The following GFM2 variants were observed in gnomAD, a reference collection of about 807,000 sequenced individuals.
GFM2 encodes the protein GTP dependent ribosome recycling factor mitochondrial 2, also known as ribosome-releasing factor 2, mitochondrial.
Under a neutral mutation model 95.4 loss-of-function variants are expected in GFM2, and 72 were observed. The observed-to-expected ratio is 0.76, with a 90% CI of 0.62 to 0.92. The LOEUF is 0.92. GFM2 is among the 40% of genes least tolerant of loss of function. GFM2 has a pLI of 0.00. For synonymous variants in GFM2, 276 were observed against 317.5 expected, an observed-to-expected ratio of 0.87 and a Z score of 1.39; for missense variants, 825 against 924.1, an observed-to-expected ratio of 0.89 and a Z score of 1.39.
intron 3 of GFM2, 128 bp from the exon 4 acceptor site, chr5:74,759,554 T>C (rs1388102652): frequency 1.1e-5 from 6 of 556,876 alleles, no homozygotes; most frequent in Non-Finnish European, 1.9e-5. Context: ...TCAAGCTAAA[T>C]AAATCTAAAA....
Position 74,759,401 on chromosome 5 carries a change from G to C in GFM2, c.174C>G (p.Ser58=). Residue 58 remains serine, a synonymous_variant, in exon 4 of 21, where the codon TCC becomes TCG. Coordinates refer to ENST00000296805, the MANE Select transcript of GFM2 (RefSeq NM_032380.5). ...LPGLIGNDIK[S]LHSIINPPIA... ...TGGGAGGATTGATGATGGAATGAAG[G>C]GATTTGATATCATTTCCTATTAAGC... 1 of 1,533,414 alleles carries C rather than the reference G, an allele frequency of 6.5e-7. No homozygotes were observed. Among genetic ancestry groups the C allele is most frequent in the Non-Finnish European group, 9.0e-7 (1 of 1,112,398 alleles). 95.0% of individuals were successfully genotyped at this position (1,533,414 alleles called of 1,614,324 possible). A position where few individuals can be genotyped will look rare whatever the true frequency, so the allele number is the denominator to read the frequency against.
intron 16 of GFM2, among the ~76,000 whole-genome samples, chr5:74,732,062 T>C (rs1268147494): frequency 6.6e-6 from 1 of 151,610 alleles, no homozygotes; most frequent in African/African-American, 2.4e-5. Flanking sequence ...TTAAGCAACC[T>C]TCCCACCTCA....
intron 10 of GFM2, 105 bp downstream of exon 10, chr5:74,745,573 A>G: frequency 1.1e-6 from 1 of 885,676 alleles, no homozygotes; most frequent in South Asian, 1.9e-5. Context: ...TTTGGTATCC[A>G]CAGGAGGTCC....
Position 74,721,239 on chromosome 5 carries a change from A to AAAAT in GFM2, c.*412_*415dup, listed in dbSNP as rs1704915227. On this transcript the variant is annotated 3_prime_UTR_variant, in exon 21 of 21. Transcript: ENST00000296805. Reference sequence around the variant, plus strand: ...AATCAACTTTATTTTGAAATCATGTAAAATAAGATATTAGACTGTTTTTTG... The same window carrying AAAAT: ...AATCAACTTTATTTTGAAATCATGTAAAATAAATAAGATATTAGACTGTTTTTTG... 2 of 1,240,448 alleles carry AAAAT rather than the reference A, an allele frequency of 1.6e-6. No individual in the cohort carries two copies. Among genetic ancestry groups the AAAAT allele is most frequent in the South Asian group, 2.4e-5 (2 of 83,024 alleles). 76.8% of individuals were successfully genotyped at this position (1,240,448 alleles called of 1,614,324 possible).
At chr5:74,748,047 C>T (rs1311202968) in intron 7 of GFM2, among the ~76,000 whole-genome samples, 2 of 152,218 alleles carry the variant, frequency 1.3e-5, no homozygotes, top group African/African-American at 4.8e-5. Flanking sequence ...AGAGAATTAA[C>T]ACCTCAGGAG....
At chr5:74,750,161 T>C (rs1176285030) in intron 7 of GFM2, among the ~76,000 whole-genome samples, 1 of 152,246 alleles carries the variant, frequency 6.6e-6, no homozygotes, top group African/African-American at 2.4e-5. Flanking sequence ...TAATGCAATC[T>C]GTTTGAATGA....
chr5:74,745,054 T>C (rs920407071), intron 10 of GFM2, among the ~76,000 whole-genome samples: 22 of 152,150 alleles, frequency 1.4e-4, no homozygotes, highest in African/African-American at 4.8e-4. Context: ...GAAAAGCAAA[T>C]GAGGCCCGGC....
chr5:74,747,596 G>GA (rs373056777), intron 8 of GFM2, 96 bp downstream of exon 8: 13 of 700,476 alleles, frequency 1.9e-5, no homozygotes, highest in East Asian at 5.4e-5. Context: ...AATACAATAG[G>GA]AAAAAAAATA....
At chr5:74,750,330 C>T (rs1449578393) in intron 7 of GFM2, among the ~76,000 whole-genome samples, 1 of 152,152 alleles carries the variant, frequency 6.6e-6, no homozygotes, top group African/African-American at 2.4e-5. Context: ...AACTTGTTAG[C>T]TCAAAAGTAA....
chr5:74,757,567 A>T (rs1270123826), intron 5 of GFM2, among the ~76,000 whole-genome samples: 1 of 151,940 alleles, frequency 6.6e-6, no homozygotes, highest in Non-Finnish European at 1.5e-5. Context: ...TGTCTCTACC[A>T]AAAATACAAA....
At chr5:74,740,167 ATT>A (rs754409375) in intron 11 of GFM2, 30 bp from the exon 12 acceptor site, 1 of 1,578,434 alleles carries the variant, frequency 6.3e-7, no homozygotes, top group Non-Finnish European at 8.6e-7. Context: ...ATGAGCATTT[ATT>A]TTGTGTACTG....
intron 11 of GFM2, among the ~76,000 whole-genome samples, chr5:74,741,258 A>T (rs1170946805): frequency 2.0e-5 from 3 of 152,158 alleles, no homozygotes; most frequent in Non-Finnish European, 2.9e-5. Flanking sequence ...TGAAAAGACT[A>T]CAGAGAATGA....
intron 8 of GFM2, among the ~76,000 whole-genome samples, chr5:74,746,539 A>C (rs768692317): frequency 1.2e-4 from 18 of 152,336 alleles, no homozygotes; most frequent in South Asian, 4.1e-4. Flanking sequence ...TTTCTTCTAC[A>C]ACTAGGTTTA....
In GFM2 at chr5:74,741,603, C is replaced by A; in HGVS notation, c.856G>T (p.Asp286Tyr). 6.4e-7 allele frequency: 1 copy of A among 1,566,606 alleles called. No individual in the cohort carries two copies. Among genetic ancestry groups the A allele is most frequent in the African/African-American group, 1.4e-5 (1 of 73,696 alleles). Residue 286 changes from aspartate to tyrosine, a missense_variant, in exon 11 of 21, where the codon GAT becomes TAT. Physicochemically the swap from Asp to Tyr is radical, Grantham distance 160. Coordinates refer to ENST00000296805, the MANE Select transcript of GFM2 (RefSeq NM_032380.5). Reference protein sequence around the residue: ...ARNALIEQVADLDDEFADLVL... With the variant: ...ARNALIEQVAYLDDEFADLVL... ...AAGTCAGCAAATTCATCATCCAAAT[C>A]TGCAACCTATAAAGAAAGGTTTTAG...
chr5:74,728,067 T>TA (rs2112220529), intron 17 of GFM2, among the ~76,000 whole-genome samples: 2 of 152,280 alleles, frequency 1.3e-5, no homozygotes, highest in African/African-American at 4.8e-5. Flanking sequence ...GTTAGACTTT[T>TA]AAAAGTTCCA....
chr5:74,732,955 C>T lies in GFM2; in HGVS notation c.1587+67G>A, dbSNP rs1017977748. 4.8e-6 allele frequency: 4 copies of T among 825,662 alleles called. No homozygotes were observed. The African/African-American group carries it at 5.1e-5, about 10-fold the overall frequency. 51.1% of individuals were successfully genotyped at this position (825,662 alleles called of 1,614,324 possible). A position where few individuals can be genotyped will look rare whatever the true frequency, so the allele number is the denominator to read the frequency against. ...ACACACACACACACACACACACACA[C>T]ACACACACACACACACACACACACT... On this transcript the variant is annotated intron_variant, in intron 16 of 20. Transcript: ENST00000296805.
chr5:74,746,301 C>CCTG, intron 8 of GFM2, 136 bp from the exon 9 acceptor site: 1 of 460,520 alleles, frequency 2.2e-6, no homozygotes, highest in South Asian at 6.4e-5. Context: ...CTCCTTAACG[C>CCTG]TCACTATTTA....
In GFM2 at chr5:74,724,795, A is replaced by G. The variant is rs553906344; in HGVS notation, c.2028+845T>C. On this transcript the variant is annotated intron_variant, in intron 19 of 20. Coordinates refer to ENST00000296805, the MANE Select transcript of GFM2 (RefSeq NM_032380.5). ...TTAAAAAATGGCTATAAAACCAAGT[A>G]TAAATAATGCAAAAGCAATCACCTA... Among the ~76,000 whole-genome samples, 9 of 152,360 alleles carry G rather than the reference A, an allele frequency of 5.9e-5. No homozygotes were observed. In the East Asian group the frequency reaches 1.5e-3, roughly 26 times the overall value.
At chr5:74,735,018 C>T (rs534125604) in intron 15 of GFM2, among the ~76,000 whole-genome samples, 3 of 152,284 alleles carry the variant, frequency 2.0e-5, no homozygotes, top group African/African-American at 7.2e-5. Context: ...AAATGACTCT[C>T]AAATATATTT....
Sources: gnomAD v4.1 joint callset for allele counts (sites outside exome capture counted in the v4.1 genomes callset) on GRCh38, gnomAD v4.1.1 for gene constraint, MANE v1.5 for transcripts, NCBI Gene and HGNC (gene_info 2026-07-23, HGNC 2026-07-21) for gene names.